SMU1: variants seen among roughly 807,000 people sequenced by gnomAD.
The protein encoded by SMU1 is WD40 repeat-containing protein SMU1.
A neutral mutation model predicts 62.0 loss-of-function variants in SMU1; 2 were observed. That is an observed-to-expected ratio of 0.03 (90% CI 0.01 to 0.10). SMU1 has a LOEUF of 0.10. Ranked by LOEUF, SMU1 falls within the 10% of genes least tolerant of loss-of-function variation. The pLI is 1.00. For synonymous variants in SMU1, 188 were observed against 212.4 expected, an observed-to-expected ratio of 0.89 and a Z score of 1.00; for missense variants, 227 against 622.1, an observed-to-expected ratio of 0.36 and a Z score of 6.76.
chr9:33,072,461 T>C (rs1839497177), intron 2 of SMU1, among the ~76,000 whole-genome samples: 1 of 152,212 alleles, frequency 6.6e-6, no homozygotes, highest in Admixed American at 6.5e-5. Context: ...GATGGGAATA[T>C]ACCCATGGGC....
At chr9:33,073,544 G>T in intron 2 of SMU1, 52 bp downstream of exon 2, 1 of 1,359,232 alleles carries the variant, frequency 7.4e-7, no homozygotes, top group Non-Finnish European at 1.0e-6. Flanking sequence ...TAGTTGGGGA[G>T]CTGGCCCACA....
chr9:33,065,948 C>T (rs1839414995), intron 4 of SMU1, among the ~76,000 whole-genome samples: 1 of 152,162 alleles, frequency 6.6e-6, no homozygotes, highest in African/African-American at 2.4e-5. Context: ...TCCTCCACTC[C>T]TACCTGCATC....
Position 33,076,649 on chromosome 9 carries a change from G to A in SMU1, c.-41C>T. ...GGAGCAGGCCCCAGCTCTCCCTCAA[G>A]GCCAGTCGCGCAACACACCAACGAC... On this transcript the variant is annotated 5_prime_UTR_variant, in exon 1 of 12. Coordinates refer to ENST00000397149, the MANE Select transcript of SMU1 (RefSeq NM_018225.3). The A allele has an allele frequency of 6.2e-7, 1 of 1,613,456 alleles. No homozygotes were observed. Among genetic ancestry groups the A allele is most frequent in the Non-Finnish European group, 8.5e-7 (1 of 1,180,010 alleles).
chr9:33,057,895 A>C (rs538475024), intron 6 of SMU1, among the ~76,000 whole-genome samples, 181 bp from the exon 7 acceptor site: 9 of 152,348 alleles, frequency 5.9e-5, no homozygotes, highest in African/African-American at 4.8e-5. Flanking sequence ...GCCGGGGATA[A>C]ATAATTTTAT....
At chr9:33,060,266 G>A (rs1318610885) in intron 6 of SMU1, among the ~76,000 whole-genome samples, 199 bp downstream of exon 6, 1 of 152,166 alleles carries the variant, frequency 6.6e-6, no homozygotes, top group Non-Finnish European at 1.5e-5. Flanking sequence ...TGATCCTCCT[G>A]CCTCAGCCTC....
chr9:33,057,563 G>A, intron 7 of SMU1, 35 bp downstream of exon 7: 1 of 1,610,978 alleles, frequency 6.2e-7, no homozygotes. Flanking sequence ...CATTCAAAAT[G>A]TCTACATATG....
At chr9:33,074,915 AG>A (rs1587714810) in intron 1 of SMU1, among the ~76,000 whole-genome samples, 1 of 152,006 alleles carries the variant, frequency 6.6e-6, no homozygotes, top group East Asian at 1.9e-4. Context: ...CTGAGACCAC[AG>A]GCATGCACCA....
intron 10 of SMU1, among the ~76,000 whole-genome samples, chr9:33,050,734 G>A (rs966835239): frequency 2.0e-5 from 3 of 151,960 alleles, no homozygotes; most frequent in Non-Finnish European, 4.4e-5. Context: ...GCTGAGGCAG[G>A]AGAATCGCTC....
intron 9 of SMU1, among the ~76,000 whole-genome samples, chr9:33,054,578 C>T (rs1307135192): frequency 1.3e-5 from 2 of 152,156 alleles, no homozygotes; most frequent in African/African-American, 4.8e-5. Flanking sequence ...AGGGTTAAAT[C>T]AGGTAGCACA....
intron 4 of SMU1, 100 bp from the exon 5 acceptor site, chr9:33,062,277 A>T (rs1261809565): frequency 6.8e-7 from 1 of 1,474,530 alleles, no homozygotes; most frequent in East Asian, 2.3e-5. Context: ...GTTCAGAGAA[A>T]GCTGTGAGCC....
At chr9:33,051,973 C>A (rs1839255188) in intron 10 of SMU1, among the ~76,000 whole-genome samples, 1 of 149,620 alleles carries the variant, frequency 6.7e-6, no homozygotes, top group Non-Finnish European at 1.5e-5. Flanking sequence ...GCCGAGATCA[C>A]GCCATTGCAC....
chr9:33,051,237 T>G (rs1037478742), intron 10 of SMU1, among the ~76,000 whole-genome samples: 4 of 152,194 alleles, frequency 2.6e-5, no homozygotes. Flanking sequence ...ACTTTATGTT[T>G]CCAACTACAT....
chr9:33,060,348 T>C lies in SMU1; in HGVS notation c.750+117A>G, dbSNP rs1839349171. The C allele has an allele frequency of 4.9e-5, 44 of 891,318 alleles. No homozygotes were observed. The South Asian group carries it at 7.7e-4, about 16-fold the overall frequency. 55.2% of individuals were successfully genotyped at this position (891,318 alleles called of 1,614,324 possible). Reference sequence around the variant, plus strand: ...ATGAGTTTTTTAATTACAAAAGTAATACATGTTCATTACATACAGATCCTT... The same window carrying C: ...ATGAGTTTTTTAATTACAAAAGTAACACATGTTCATTACATACAGATCCTT... On this transcript the variant is annotated intron_variant, in intron 6 of 11. Coordinates refer to ENST00000397149, the MANE Select transcript of SMU1 (RefSeq NM_018225.3).
intron 7 of SMU1, among the ~76,000 whole-genome samples, 200 bp downstream of exon 7, chr9:33,057,397 CA>C (rs1839314755): frequency 6.6e-6 from 1 of 152,112 alleles, no homozygotes; most frequent in Non-Finnish European, 1.5e-5. Flanking sequence ...TATCACTTAC[CA>C]AGTATGTGAC....
rs1218199247 is a variant in SMU1, at chr9:33,042,966, G to C, written c.*4327C>G. On this transcript the variant is annotated 3_prime_UTR_variant, in exon 12 of 12. Coordinates refer to ENST00000397149, the MANE Select transcript of SMU1 (RefSeq NM_018225.3). ...TTCTCCTGCCTCAGCCTCCTAGGTA[G>C]CTGGGACTACAGGCGTGTGCCACCA... is the stretch of plus-strand genomic sequence containing the variant. 6.6e-6 allele frequency: 1 copy of C among 152,430 alleles called. No homozygotes were observed. The highest frequency in any genetic ancestry group is 1.5e-5 in the Non-Finnish European group (1 of 68,248). The allele number at this position is 152,430 out of a possible 1,614,324, so 9.4% of individuals were successfully genotyped here.
chr9:33,062,791 G>A (rs1304217471), intron 4 of SMU1, among the ~76,000 whole-genome samples: 1 of 151,774 alleles, frequency 6.6e-6, no homozygotes, highest in Non-Finnish European at 1.5e-5. Flanking sequence ...TCTATTTTGG[G>A]GATATTCCCC....
At chr9:33,066,603 C>T (rs889346137) in intron 4 of SMU1, among the ~76,000 whole-genome samples, 1 of 150,852 alleles carries the variant, frequency 6.6e-6, no homozygotes, top group African/African-American at 2.4e-5. Context: ...GTCAAGAGAT[C>T]GAGACCATCC....
intron 4 of SMU1, among the ~76,000 whole-genome samples, chr9:33,068,525 T>C (rs141459882): frequency 9.9e-4 from 151 of 152,256 alleles, no homozygotes; most frequent in African/African-American, 3.4e-3. Flanking sequence ...TTTTTATTTT[T>C]GGAGACAGGG....
chr9:33,071,988 G>C lies in SMU1; in HGVS notation c.238-96C>G, dbSNP rs777580169. The C allele has an allele frequency of 9.7e-6, 12 of 1,234,430 alleles. No individual in the cohort carries two copies. The Admixed American group carries it at 1.3e-4, about 13-fold the overall frequency. The allele number at this position is 1,234,430 out of a possible 1,614,324, so 76.5% of individuals were successfully genotyped here. On this transcript the variant is annotated intron_variant, in intron 2 of 11. Coordinates refer to ENST00000397149, the MANE Select transcript of SMU1 (RefSeq NM_018225.3). ...AAAATATCTAACACAGATATGGCCT[G>C]TCAAAGGATTTCCAATACCAGGAAG...
Sources: allele counts gnomAD v4.1 joint callset (sites outside exome capture counted in the v4.1 genomes callset), GRCh38; gene constraint gnomAD v4.1.1; transcripts MANE v1.5; gene names NCBI Gene and HGNC (gene_info 2026-07-23, HGNC 2026-07-21).